The following MAGI2 variants were observed in gnomAD, a reference collection of about 807,000 sequenced individuals.
MAGI2 encodes membrane-associated guanylate kinase, WW and PDZ domain-containing protein 2.
A neutral mutation model predicts 133.3 loss-of-function variants in MAGI2; 35 were observed. That is an observed-to-expected ratio of 0.26 (90% CI 0.20 to 0.35). The LOEUF (loss-of-function observed/expected upper bound fraction) is 0.35. Ranked by LOEUF, MAGI2 falls within the 10% of genes least tolerant of loss-of-function variation. The probability of loss-of-function intolerance (pLI) is 1.00; values close to 1 mark genes in which losing one functional copy is unlikely to be tolerated. For synonymous variants in MAGI2, 729 were observed against 710.6 expected, an observed-to-expected ratio of 1.03 and a Z score of -0.41; for missense variants, 1,636 against 1,863.4, an observed-to-expected ratio of 0.88 and a Z score of 2.25.
intron 1 of MAGI2, among the ~76,000 whole-genome samples, chr7:79,438,799 A>G (rs1325947074): frequency 6.6e-6 from 1 of 152,098 alleles, no homozygotes; most frequent in Non-Finnish European, 1.5e-5. Context: ...TCTCTCCTCC[A>G]TAAGTGAGTG....
At chr7:78,942,719 T>C (rs1801085975) in intron 2 of MAGI2, among the ~76,000 whole-genome samples, 1 of 152,114 alleles carries the variant, frequency 6.6e-6, no homozygotes, top group Non-Finnish European at 1.5e-5. Context: ...TTAGAATATA[T>C]GTAAACAGGA....
chr7:78,138,174 T>C (rs2150549003), intron 16 of MAGI2, among the ~76,000 whole-genome samples: 1 of 152,338 alleles, frequency 6.6e-6, no homozygotes, highest in African/African-American at 2.4e-5. Flanking sequence ...ATCTCTAATC[T>C]ATTACTTGCT....
chr7:78,067,834 T>G (rs1814001758), intron 21 of MAGI2, among the ~76,000 whole-genome samples: 2 of 152,160 alleles, frequency 1.3e-5, no homozygotes, highest in Admixed American at 1.3e-4. Flanking sequence ...CGAGCAAGGT[T>G]GTAGGCAGTT....
chr7:78,890,955 G>A (rs528930034), intron 2 of MAGI2, among the ~76,000 whole-genome samples: 24 of 152,194 alleles, frequency 1.6e-4, no homozygotes, highest in African/African-American at 5.8e-4. Flanking sequence ...TTTTTGAAAA[G>A]ACCAACGCAA....
At chr7:78,078,812 G>GTGTA (rs1554438561) in intron 21 of MAGI2, 135 bp downstream of exon 21, 5 of 589,070 alleles carry the variant, frequency 8.5e-6, no homozygotes, top group African/African-American at 2.1e-5. Flanking sequence ...GTGTGTGTGT[G>GTGTA]TATATATATA....
chr7:78,519,147 A>AAAC, intron 4 of MAGI2: 2 of 139,008 alleles, frequency 1.4e-5, no homozygotes. Context: ...AAAAAAAAAA[A>AAAC]ACCAATGTGA....
chr7:78,804,221 A>G (rs1404136592), intron 2 of MAGI2, among the ~76,000 whole-genome samples: 1 of 152,158 alleles, frequency 6.6e-6, no homozygotes, highest in East Asian at 1.9e-4. Flanking sequence ...CTGATTGGAA[A>G]AAAGGCTTCG....
At chr7:78,935,048 C>T (rs543039036) in intron 2 of MAGI2, among the ~76,000 whole-genome samples, 8 of 152,202 alleles carry the variant, frequency 5.3e-5, no homozygotes, top group Non-Finnish European at 8.8e-5. Flanking sequence ...CAAAGATCAC[C>T]ATAATGAGTA....
At chr7:78,331,450 G>A (rs918147884) in intron 9 of MAGI2, among the ~76,000 whole-genome samples, 1 of 152,214 alleles carries the variant, frequency 6.6e-6, no homozygotes, top group Non-Finnish European at 1.5e-5. Flanking sequence ...GCTCACTTTG[G>A]TTCATTGATA....
chr7:79,242,016 G>C (rs1832452679), intron 1 of MAGI2, among the ~76,000 whole-genome samples: 1 of 152,132 alleles, frequency 6.6e-6, no homozygotes, highest in African/African-American at 2.4e-5. Context: ...AGGCTGATTT[G>C]AGTAATAAAC....
chr7:78,579,925 C>T (rs1802661884), intron 3 of MAGI2, among the ~76,000 whole-genome samples: 1 of 152,198 alleles, frequency 6.6e-6, no homozygotes, highest in Admixed American at 6.5e-5. Context: ...CAGCGACCAA[C>T]TGCTCGTCTA....
chr7:78,931,938 T>G (rs1238304458), intron 2 of MAGI2, among the ~76,000 whole-genome samples: 1 of 150,822 alleles, frequency 6.6e-6, no homozygotes, highest in Non-Finnish European at 1.5e-5. Context: ...ACTGACATGA[T>G]GTCATAAGTG....
intron 1 of MAGI2, among the ~76,000 whole-genome samples, chr7:79,428,569 GA>G (rs1415200583): frequency 6.6e-6 from 1 of 151,930 alleles, no homozygotes; most frequent in Non-Finnish European, 1.5e-5. Context: ...GGTTAATACA[GA>G]ACAAAAATAA....
At chr7:79,136,061 GAAAGAAGGAAA>G (rs1821476634) in intron 1 of MAGI2, among the ~76,000 whole-genome samples, 1 of 128,000 alleles carries the variant, frequency 7.8e-6, no homozygotes, top group Non-Finnish European at 1.6e-5. Context: ...AAGAAAGAAA[GAAAGAAGGAAA>G]GAAAGAAAGA....
chr7:78,872,225 T>C (rs1249295251), intron 2 of MAGI2, among the ~76,000 whole-genome samples: 1 of 150,208 alleles, frequency 6.7e-6, no homozygotes, highest in Non-Finnish European at 1.5e-5. Context: ...GAAAGAATAC[T>C]ACTGACAAAT....
chr7:78,135,749 A>AT (rs11453832), intron 16 of MAGI2, among the ~76,000 whole-genome samples: 9 of 152,098 alleles, frequency 5.9e-5, no homozygotes, highest in African/African-American at 2.2e-4. Context: ...ATATGTGTTA[A>AT]ATGGGTAGTA....
intron 2 of MAGI2, among the ~76,000 whole-genome samples, chr7:78,906,371 CTT>C (rs1175911470): frequency 6.6e-6 from 1 of 152,162 alleles, no homozygotes. Context: ...ATGGCTGAAA[CTT>C]TCACTGTCTT....
intron 9 of MAGI2, among the ~76,000 whole-genome samples, chr7:78,276,055 A>C (rs1486951710): frequency 6.6e-6 from 1 of 152,204 alleles, no homozygotes; most frequent in Non-Finnish European, 1.5e-5. Flanking sequence ...GCATAAACTC[A>C]TATTTCATCT....
At chr7:78,575,421 A>G (rs1411154561) in intron 3 of MAGI2, among the ~76,000 whole-genome samples, 1 of 152,196 alleles carries the variant, frequency 6.6e-6, no homozygotes, top group East Asian at 1.9e-4. Context: ...ATGCTGTTAT[A>G]TAATGTATAT....
Sources: allele counts gnomAD v4.1 joint callset (sites outside exome capture counted in the v4.1 genomes callset), GRCh38; gene constraint gnomAD v4.1.1; transcripts MANE v1.5; gene names NCBI Gene and HGNC (gene_info 2026-07-23, HGNC 2026-07-21).